The following PITPNC1 variants were observed in gnomAD, a reference collection of about 807,000 sequenced individuals.
PITPNC1 encodes cytoplasmic phosphatidylinositol transfer protein 1.
PITPNC1 carries 18 observed loss-of-function variants against 44.7 expected under a neutral mutation model. That is an observed-to-expected ratio of 0.40 (90% CI 0.28 to 0.60). The LOEUF (loss-of-function observed/expected upper bound fraction) is 0.60. Ranked by LOEUF, PITPNC1 falls within the 20% of genes least tolerant of loss-of-function variation. The pLI, the probability that PITPNC1 is intolerant of heterozygous loss-of-function variation, is 0.39. For missense variants in PITPNC1, 290 were observed against 418.4 expected, an observed-to-expected ratio of 0.69 and a Z score of 2.68; for synonymous variants, 141 against 149.6, an observed-to-expected ratio of 0.94 and a Z score of 0.42.
intron 2 of PITPNC1, among the ~76,000 whole-genome samples, chr17:67,540,089 T>C (rs1288740553): frequency 6.6e-6 from 1 of 151,014 alleles, no homozygotes; most frequent in African/African-American, 2.4e-5. Flanking sequence ...TATTTTATTT[T>C]ATTTTATTTT....
chr17:67,425,931 A>G (rs1234287594), intron 1 of PITPNC1, among the ~76,000 whole-genome samples: 3 of 152,182 alleles, frequency 2.0e-5, no homozygotes, highest in African/African-American at 7.2e-5. Flanking sequence ...CTCAAAAGCA[A>G]CCATAGACAA....
At chr17:67,537,360 G>A (rs992566891) in intron 2 of PITPNC1, among the ~76,000 whole-genome samples, 1 of 152,176 alleles carries the variant, frequency 6.6e-6, no homozygotes, top group Non-Finnish European at 1.5e-5. Flanking sequence ...CAGCAAGATT[G>A]TTGGGTACAA....
At chr17:67,393,345 C>G (rs2038167316) in intron 1 of PITPNC1, among the ~76,000 whole-genome samples, 1 of 151,962 alleles carries the variant, frequency 6.6e-6, no homozygotes, top group Non-Finnish European at 1.5e-5. Context: ...CCCCAAAGCC[C>G]CTGGCAACCA....
chr17:67,593,179 G>A (rs1370722300), intron 5 of PITPNC1, among the ~76,000 whole-genome samples: 4 of 152,042 alleles, frequency 2.6e-5, no homozygotes, highest in African/African-American at 9.7e-5. Context: ...GCATTTATAT[G>A]TTACATAAAA....
intron 2 of PITPNC1, among the ~76,000 whole-genome samples, chr17:67,536,428 T>C (rs912360379): frequency 3.1e-4 from 47 of 152,258 alleles, no homozygotes; most frequent in African/African-American, 1.1e-3. Flanking sequence ...AGTTTCACCA[T>C]GTTGGCCAGG....
In PITPNC1 at chr17:67,489,702, A is replaced by G. The variant is rs558166171; in HGVS notation, c.49-43100A>G. Among the ~76,000 whole-genome samples the G allele has an allele frequency of 3.3e-5, 5 of 151,862 alleles. No homozygotes were observed. The East Asian group carries it at 7.7e-4, about 23-fold the overall frequency. On this transcript the variant is annotated intron_variant, in intron 1 of 8. Coordinates refer to ENST00000581322, the MANE Select transcript of PITPNC1 (RefSeq NM_012417.4). ...ATTACTGAACCCGAACCTTTTCTCA[A>G]TCCCTTTCATGCTGTCTGTTGTCTT...
chr17:67,625,804 G>A (rs2041888629), intron 5 of PITPNC1, among the ~76,000 whole-genome samples: 1 of 152,138 alleles, frequency 6.6e-6, no homozygotes, highest in African/African-American at 2.4e-5. Flanking sequence ...TGAAAGGAAT[G>A]TTAATGGTCA....
At position 67,676,823 on chromosome 17, in the gene PITPNC1, TTTTTTTTC is replaced by T. The variant is rs1211640324; in HGVS notation, c.682+1292_682+1299del. ...GTTCTATAAGCTATGGGCTTTTCTTTTTTTTTTCTTTTTTTCTTACCTCCTTTTGCAGT... is the reference window on the plus strand; with the variant it reads ...GTTCTATAAGCTATGGGCTTTTCTTTTTTTTTTCTTACCTCCTTTTGCAGT... On this transcript the variant is annotated intron_variant, in intron 8 of 8. Transcript: ENST00000581322. The surrounding 1 kb of genome is among the most constrained non-coding windows in gnomAD (Gnocchi z 4.0). Among the ~76,000 whole-genome samples the T allele has an allele frequency of 6.6e-6, 1 of 152,110 alleles. No individual in the cohort carries two copies.
At chr17:67,397,949 C>T (rs1269548401) in intron 1 of PITPNC1, among the ~76,000 whole-genome samples, 10 of 152,024 alleles carry the variant, frequency 6.6e-5, no homozygotes, top group African/African-American at 9.7e-5. Flanking sequence ...AACAATTAGC[C>T]GGGCGTGGTG....
At chr17:67,622,581 A>G (rs573196737) in intron 5 of PITPNC1, among the ~76,000 whole-genome samples, 1 of 142,628 alleles carries the variant, frequency 7.0e-6, no homozygotes, top group Non-Finnish European at 1.5e-5. Flanking sequence ...ATATGCTGCT[A>G]TTAGATAATA....
intron 1 of PITPNC1, among the ~76,000 whole-genome samples, chr17:67,404,849 T>A (rs542331903): frequency 6.6e-6 from 1 of 151,252 alleles, no homozygotes; most frequent in East Asian, 2.0e-4. Flanking sequence ...TGTAGGATTA[T>A]GTTTGTTATT....
At chr17:67,396,858 T>C (rs890753470) in intron 1 of PITPNC1, among the ~76,000 whole-genome samples, 1 of 152,188 alleles carries the variant, frequency 6.6e-6, no homozygotes, top group African/African-American at 2.4e-5. Flanking sequence ...TCTTGCTATG[T>C]TGCCCAGGCT....
intron 1 of PITPNC1, among the ~76,000 whole-genome samples, chr17:67,443,065 T>C (rs903275829): frequency 1.3e-5 from 2 of 151,996 alleles, no homozygotes; most frequent in Admixed American, 6.6e-5. Flanking sequence ...TTCTTGTTAA[T>C]CCAGACTGCT....
At chr17:67,658,873 G>C (rs990608379) in intron 6 of PITPNC1, among the ~76,000 whole-genome samples, 1 of 152,066 alleles carries the variant, frequency 6.6e-6, no homozygotes, top group Non-Finnish European at 1.5e-5. Context: ...CTGCAGGGGG[G>C]AAGCCATGTC....
At chr17:67,614,637 A>G (rs2144299863) in intron 5 of PITPNC1, among the ~76,000 whole-genome samples, 1 of 150,818 alleles carries the variant, frequency 6.6e-6, no homozygotes, top group African/African-American at 2.4e-5. Flanking sequence ...GCCCCACTGC[A>G]CTCCAGCCTG....
intron 1 of PITPNC1, among the ~76,000 whole-genome samples, chr17:67,528,888 C>T (rs977711054): frequency 5.9e-5 from 9 of 152,202 alleles, no homozygotes; most frequent in African/African-American, 2.2e-4. Context: ...GTCTGAGAGT[C>T]AATACGAGAT....
intron 1 of PITPNC1, among the ~76,000 whole-genome samples, chr17:67,517,435 A>G (rs2040273170): frequency 6.6e-6 from 1 of 152,198 alleles, no homozygotes; most frequent in Non-Finnish European, 1.5e-5. Context: ...GGAAATGAAA[A>G]CATACGTCCT....
At chr17:67,481,581 C>A (rs2039702298) in intron 1 of PITPNC1, among the ~76,000 whole-genome samples, 1 of 152,118 alleles carries the variant, frequency 6.6e-6, no homozygotes, top group African/African-American at 2.4e-5. Flanking sequence ...TCAAGCGATT[C>A]CCCCACCTTG....
rs146475779 is a variant in PITPNC1 at position 67,513,191 on chromosome 17, C to T, written c.49-19611C>T. On this transcript the variant is annotated intron_variant, in intron 1 of 8. Transcript: ENST00000581322. ...CCAGCCTGGTCAACAAGGCGAAACC[C>T]CATCTCTACTAAAAATACAAAAATT... Among the ~76,000 whole-genome samples, 94 of 151,956 alleles carry T rather than the reference C, an allele frequency of 6.2e-4. 1 individual carries two copies. Among genetic ancestry groups the T allele is most frequent in the African/African-American group, 2.2e-3 (93 of 41,442 alleles).
Sources: allele counts gnomAD v4.1 joint callset (sites outside exome capture counted in the v4.1 genomes callset), GRCh38; gene constraint gnomAD v4.1.1; non-coding constraint Gnocchi (gnomAD v3.1); transcripts MANE v1.5; gene names NCBI Gene and HGNC (gene_info 2026-07-23, HGNC 2026-07-21).